Variants in ASIC2 observed in about 807,000 individuals in gnomAD.
ASIC2 encodes acid-sensing ion channel 2.
A neutral mutation model predicts 57.3 loss-of-function variants in ASIC2; 25 were observed. The observed-to-expected ratio is 0.44, with a 90% CI of 0.32 to 0.61. ASIC2 has a LOEUF of 0.61. Among genes scored for constraint, ASIC2 ranks in the 20% least tolerant of loss-of-function variants. The probability of loss-of-function intolerance (pLI) is 0.06; values close to 1 mark genes in which losing one functional copy is unlikely to be tolerated. For missense variants in ASIC2, 641 were observed against 738.1 expected (o/e 0.87, Z 1.52); for synonymous variants, 319 against 307.5 (o/e 1.04, Z -0.39).
intron 1 of ASIC2, among the ~76,000 whole-genome samples, chr17:33,769,513 C>G (rs1911033558): frequency 1.3e-5 from 2 of 152,238 alleles, no homozygotes; most frequent in Non-Finnish European, 2.9e-5. Flanking sequence ...GCAATGGACA[C>G]AGGGGACCCA....
chr17:33,053,621 C>A (rs551017794), intron 3 of ASIC2, among the ~76,000 whole-genome samples: 16 of 152,182 alleles, frequency 1.1e-4, no homozygotes, highest in African/African-American at 3.9e-4. Context: ...CAATCTGACC[C>A]CCACCTGATC....
intron 3 of ASIC2, among the ~76,000 whole-genome samples, chr17:33,084,541 A>T (rs1413961969): frequency 6.6e-6 from 1 of 152,256 alleles, no homozygotes; most frequent in Non-Finnish European, 1.5e-5. Flanking sequence ...TAGCTACGCA[A>T]CCTTGAACAA....
chr17:33,827,512 T>TC (rs1912966669), intron 1 of ASIC2, among the ~76,000 whole-genome samples: 1 of 148,826 alleles, frequency 6.7e-6, no homozygotes, highest in Non-Finnish European at 1.5e-5. Context: ...TTGTCTTTTT[T>TC]TTTTTGTATT....
intron 1 of ASIC2, among the ~76,000 whole-genome samples, chr17:33,455,765 C>T (rs1912426934): frequency 6.6e-6 from 1 of 152,214 alleles, no homozygotes; most frequent in Admixed American, 6.5e-5. Context: ...ATTTACATCT[C>T]AAAAGCCCCA....
In ASIC2 at chr17:33,118,346, G is replaced by T. The variant is rs141063438; in HGVS notation, c.709-6279C>A. Among the ~76,000 whole-genome samples the T allele has an allele frequency of 2.3e-3, 351 of 152,262 alleles. 6 individuals carry two copies. The East Asian group carries it at 0.05, about 22-fold the overall frequency. On this transcript the variant is annotated intron_variant, in intron 1 of 9. Coordinates refer to ENST00000225823, the MANE Select transcript of ASIC2 (RefSeq NM_183377.2). ...TATCGTTAACTTTTGCAACAGCTCT[G>T]TGAAGATAATATTATCATCCCCATT...
intron 3 of ASIC2, among the ~76,000 whole-genome samples, chr17:33,080,206 C>A (rs1230133893): frequency 1.3e-5 from 2 of 151,904 alleles, no homozygotes; most frequent in Non-Finnish European, 2.9e-5. Context: ...GCAGAGTGGG[C>A]AGGGAGGTGA....
intron 1 of ASIC2, among the ~76,000 whole-genome samples, chr17:33,377,508 C>T (rs951708733): frequency 1.3e-5 from 2 of 152,248 alleles, no homozygotes; most frequent in African/African-American, 4.8e-5. Flanking sequence ...TTCACAATGG[C>T]TTTGACCCAA....
chr17:33,799,358 CT>C (rs778458223), intron 1 of ASIC2, among the ~76,000 whole-genome samples: 1 of 129,936 alleles, frequency 7.7e-6, no homozygotes, highest in Non-Finnish European at 1.6e-5. Flanking sequence ...CTTTCTCTTT[CT>C]TTCTTTCTTT....
chr17:33,295,058 G>A (rs1905669734), upstream of ASIC2, among the ~76,000 whole-genome samples: 1 of 152,220 alleles, frequency 6.6e-6, no homozygotes, highest in Non-Finnish European at 1.5e-5. Context: ...CCATCTTCCA[G>A]CATCATAAAT....
At position 33,333,507 on chromosome 17, in the gene ASIC2, A is replaced by C. The variant is rs1907396288; in HGVS notation, c.556-221440T>G. ...GTTTGTGCAGAATTATAAGTATATA[A>C]AAATATCTCAACTCAGAATAACAGC... On this transcript the variant is annotated intron_variant, in intron 1 of 9. Coordinates refer to the ASIC2 transcript ENST00000359872. Among the ~76,000 whole-genome samples, 3 of 152,222 alleles carry C rather than the reference A, an allele frequency of 2.0e-5. No individual in the cohort carries two copies. In the South Asian group the frequency reaches 6.2e-4, roughly 32 times the overall value.
intron 1 of ASIC2, among the ~76,000 whole-genome samples, chr17:33,413,443 C>T (rs190211149): frequency 6.6e-6 from 1 of 152,216 alleles, no homozygotes; most frequent in African/African-American, 2.4e-5. Context: ...TACCTCCTAA[C>T]TATCTCTCCA....
chr17:33,434,757 G>A (rs1158984095), intron 1 of ASIC2, among the ~76,000 whole-genome samples: 1 of 152,186 alleles, frequency 6.6e-6, no homozygotes, highest in African/African-American at 2.4e-5. Flanking sequence ...GGCAGTGAGC[G>A]TTAAATGCAT....
At chr17:33,017,782 C>CATGGAGGGGG in intron 7 of ASIC2, 98 bp from the exon 8 acceptor site, 1 of 1,132,072 alleles carries the variant, frequency 8.8e-7, no homozygotes, top group Non-Finnish European at 1.3e-6. Flanking sequence ...AATGGCGCCC[C>CATGGAGGGGG]CTCCATGGGG....
intron 1 of ASIC2, among the ~76,000 whole-genome samples, chr17:33,678,643 C>T (rs1907902811): frequency 6.6e-6 from 1 of 152,114 alleles, no homozygotes; most frequent in African/African-American, 2.4e-5. Context: ...AAGAGACAGA[C>T]TTTTAAATCA....
At chr17:33,708,665 G>A (rs1330969162) in intron 1 of ASIC2, among the ~76,000 whole-genome samples, 1 of 152,042 alleles carries the variant, frequency 6.6e-6, no homozygotes. Flanking sequence ...TGTCCAGTAG[G>A]GAAAAGAGGA....
rs527315270 is a variant in ASIC2, at chr17:33,014,424, A to G, written c.1591-358T>C. Among the ~76,000 whole-genome samples, 88 of 152,024 alleles carry G rather than the reference A, an allele frequency of 5.8e-4. 1 individual carries two copies. Among genetic ancestry groups the G allele is most frequent in the Non-Finnish European group, 9.3e-4 (63 of 67,982 alleles). The stretch of plus-strand genomic sequence containing the variant: ...TCTCTTGGGGGCCTCCCTCGGGGCT[A>G]TGGTGCAGGAAGTGCAGCCCATGGC... On this transcript the variant is annotated intron_variant, in intron 9 of 9. Coordinates refer to ENST00000225823, the MANE Select transcript of ASIC2 (RefSeq NM_183377.2).
At chr17:33,108,911 A>T (rs201700085) in intron 2 of ASIC2, among the ~76,000 whole-genome samples, 1 of 151,980 alleles carries the variant, frequency 6.6e-6, no homozygotes, top group Non-Finnish European at 1.5e-5. Context: ...GCAAAAGCCA[A>T]AATCCATGAA....
rs58707187 is a variant in ASIC2 at position 33,527,077 on chromosome 17, C to T, written c.556-415010G>A. On this transcript the variant is annotated intron_variant, in intron 1 of 9. Coordinates refer to the ASIC2 transcript ENST00000359872. ...CTGCTACCTGTGCAGGAGGGCTGGG[C>T]GCCCTGTGTGCCTACTTCCTTCTAT... Among the ~76,000 whole-genome samples the T allele has an allele frequency of 1.0e-3, 158 of 152,262 alleles. 1 individual carries two copies. The highest frequency in any genetic ancestry group is 3.6e-3 in the African/African-American group (151 of 41,554).
intron 1 of ASIC2, among the ~76,000 whole-genome samples, chr17:33,669,490 G>C (rs1907580008): frequency 6.6e-6 from 1 of 152,192 alleles, no homozygotes; most frequent in Non-Finnish European, 1.5e-5. Context: ...ACATGGAAGA[G>C]ATTCCTCATT....
Sources: gnomAD v4.1 joint callset for allele counts (sites outside exome capture counted in the v4.1 genomes callset) on GRCh38, gnomAD v4.1.1 for gene constraint, MANE v1.5 for transcripts, NCBI Gene and HGNC (gene_info 2026-07-23, HGNC 2026-07-21) for gene names.